ERICH1: variants seen among roughly 807,000 people sequenced by gnomAD.
The protein encoded by ERICH1 is glutamate-rich protein 1.
In ERICH1, 56 loss-of-function variants were observed where a neutral mutation model predicts 39.6. That is an observed-to-expected ratio of 1.41 (90% confidence interval 1.14 to 1.77). The LOEUF (loss-of-function observed/expected upper bound fraction) is 1.77. Ranked by LOEUF, ERICH1 falls within the 40% of genes most tolerant of loss-of-function variation. The probability of loss-of-function intolerance (pLI) is 0.00; values close to 1 mark genes in which losing one functional copy is unlikely to be tolerated. For missense variants in ERICH1, 826 were observed against 575.4 expected, an observed-to-expected ratio of 1.44 and a Z score of -4.45; for synonymous variants, 313 against 223.6, an observed-to-expected ratio of 1.40 and a Z score of -3.57.
intron 3 of ERICH1, among the ~76,000 whole-genome samples, chr8:655,723 C>T (rs923916966): frequency 2.0e-5 from 3 of 151,106 alleles, no homozygotes; most frequent in African/African-American, 4.9e-5. Flanking sequence ...TTCCTCTGTG[C>T]CCCACTTCCA....
chr8:671,477 G>C (rs917206762), intron 4 of ERICH1, among the ~76,000 whole-genome samples: 1 of 141,782 alleles, frequency 7.1e-6, no homozygotes, highest in South Asian at 2.3e-4. Context: ...TCCGACCTCT[G>C]AACGTGCCAG....
intron 3 of ERICH1, among the ~76,000 whole-genome samples, chr8:682,559 C>T (rs1428737823): frequency 6.6e-6 from 1 of 152,206 alleles, no homozygotes; most frequent in African/African-American, 2.4e-5. Flanking sequence ...GCCCTTCACA[C>T]CCAGCAGCTG....
Position 690,494 on chromosome 8 carries a change from C to G in ERICH1, c.304+1984G>C, listed in dbSNP as rs567796360. Reference sequence around the variant, plus strand: ...GCCCTCAGCCTGTTGGAACCGGGACCGGCAGACCCAAGGGCGCAGCAAGTG... The same window carrying G: ...GCCCTCAGCCTGTTGGAACCGGGACGGGCAGACCCAAGGGCGCAGCAAGTG... On this transcript the variant is annotated intron_variant, in intron 3 of 5. Transcript: ENST00000262109. Among the ~76,000 whole-genome samples, 39 of 152,348 alleles carry G rather than the reference C, an allele frequency of 2.6e-4. 2 individuals are homozygous for G. In the South Asian group the frequency reaches 6.6e-3, roughly 26 times the overall value.
intron 2 of ERICH1, among the ~76,000 whole-genome samples, chr8:711,591 G>A (rs1814747838): frequency 6.6e-6 from 1 of 151,696 alleles, no homozygotes; most frequent in South Asian, 2.1e-4. Context: ...CTCTGCTCCT[G>A]GGTTCAAGCA....
intron 3 of ERICH1, among the ~76,000 whole-genome samples, chr8:620,037 G>T (rs1797181612): frequency 1.3e-5 from 2 of 152,238 alleles, no homozygotes; most frequent in African/African-American, 4.8e-5. Flanking sequence ...AAGTGGGCCA[G>T]GCGTGGTGGC....
At chr8:722,525 C>G (rs751205840) in intron 1 of ERICH1, among the ~76,000 whole-genome samples, 22 of 152,302 alleles carry the variant, frequency 1.4e-4, no homozygotes, top group Middle Eastern at 6.8e-3. Context: ...TTAGGAAAAA[C>G]TGTAAATATA....
At chr8:726,589 C>G (rs1199355739) in intron 1 of ERICH1, among the ~76,000 whole-genome samples, 3 of 151,078 alleles carry the variant, frequency 2.0e-5, no homozygotes, top group Non-Finnish European at 2.9e-5. Context: ...GGCGCACACA[C>G]ATACACACAC....
rs1435122664 is a variant in ERICH1 at position 646,336 on chromosome 8, C to T, written c.976+22262G>A. ...AATATTTTTCCCTGCCTGCAGCAGC[C>T]GTATGTATTCAGGGTGATTCTCCAT... On this transcript the variant is annotated intron_variant, in intron 3 of 3. Transcript: ENST00000522706. 2.3e-4 allele frequency among the ~76,000 whole-genome samples: 15 copies of T among 66,300 alleles called. 3 individuals are homozygous for T. Among genetic ancestry groups the T allele is most frequent in the African/African-American group, 5.7e-4 (15 of 26,128 alleles). The allele number at this position is 66,300 out of a possible 152,430, so 43.5% of individuals were successfully genotyped here.
intron 4 of ERICH1, among the ~76,000 whole-genome samples, chr8:671,179 C>A (rs74547626): frequency 6.7e-5 from 9 of 134,784 alleles, no homozygotes; most frequent in South Asian, 2.6e-4. Flanking sequence ...CTCCAGGCTC[C>A]GACCTCTGAA....
intron 3 of ERICH1, among the ~76,000 whole-genome samples, chr8:677,886 C>G (rs1460400464): frequency 6.6e-6 from 1 of 152,176 alleles, no homozygotes; most frequent in East Asian, 1.9e-4. Context: ...AGGCTCCTCC[C>G]GGCACGTCCT....
chr8:696,674 G>A (rs111216082), intron 2 of ERICH1, among the ~76,000 whole-genome samples: 1 of 31,816 alleles, frequency 3.1e-5, no homozygotes, highest in Non-Finnish European at 5.2e-5. Context: ...GCCTGCGCTC[G>A]CTCCTCACCC....
chr8:624,714 TTTTTTATTTTTA>T (rs777645061), intron 3 of ERICH1, among the ~76,000 whole-genome samples: 15 of 151,808 alleles, frequency 9.9e-5, no homozygotes, highest in Middle Eastern at 3.4e-3. Flanking sequence ...TTTTTTTATA[TTTTTTATTTTTA>T]TTTTTATTTT....
chr8:660,396 C>T (rs564570502), downstream of ERICH1, among the ~76,000 whole-genome samples: 7 of 152,336 alleles, frequency 4.6e-5, no homozygotes, highest in Non-Finnish European at 8.8e-5. Flanking sequence ...ACCCTGAGGT[C>T]GGCTGCCAGG....
At chr8:622,663 T>C (rs916517279) in intron 3 of ERICH1, among the ~76,000 whole-genome samples, 4 of 152,194 alleles carry the variant, frequency 2.6e-5, no homozygotes, top group Middle Eastern at 3.4e-3. Flanking sequence ...CTATCAGACA[T>C]TTAAAAAGGC....
chr8:632,190 G>A (rs1399543343), intron 3 of ERICH1, among the ~76,000 whole-genome samples: 1 of 152,140 alleles, frequency 6.6e-6, no homozygotes, highest in Middle Eastern at 3.2e-3. Flanking sequence ...GAATTTTGAT[G>A]TTGTAGTGAT....
intron 2 of ERICH1, among the ~76,000 whole-genome samples, chr8:706,938 T>C (rs1375355892): frequency 1.3e-5 from 2 of 152,138 alleles, no homozygotes; most frequent in African/African-American, 4.8e-5. Flanking sequence ...TACAAACTCA[T>C]GCAATACCCA....
Position 688,819 on chromosome 8 carries a change from C to T in ERICH1, c.304+3659G>A, listed in dbSNP as rs1353252054. Among the ~76,000 whole-genome samples the T allele has an allele frequency of 2.0e-5, 3 of 152,198 alleles. No individual in the cohort carries two copies. In the East Asian group the frequency reaches 5.8e-4, roughly 29 times the overall value. ...CAAAAAGGGTATCGATGGGAAATCT[C>T]TCTCTTATCCAACAAGAAGTACACG... On this transcript the variant is annotated intron_variant, in intron 3 of 5. Transcript: ENST00000262109.
At chr8:674,146 T>C in intron 3 of ERICH1, 99 bp from the exon 4 acceptor site, 6 of 1,366,340 alleles carry the variant, frequency 4.4e-6, no homozygotes, top group Non-Finnish European at 4.9e-6. Context: ...GTAGTTTTAG[T>C]AGAAAAAGAG....
chr8:726,277 A>G (rs12549443), intron 1 of ERICH1, among the ~76,000 whole-genome samples: 29,372 of 152,136 alleles, frequency 0.19, 3,057 homozygotes, highest in Middle Eastern at 0.31. Flanking sequence ...ACACCACACA[A>G]GGACACACAC....
Sources: allele counts gnomAD v4.1 joint callset (sites outside exome capture counted in the v4.1 genomes callset), GRCh38; gene constraint gnomAD v4.1.1; transcripts MANE v1.5; gene names NCBI Gene and HGNC (gene_info 2026-07-23, HGNC 2026-07-21).